WARS1: variants seen among roughly 807,000 people sequenced by gnomAD.
WARS1 encodes the protein tryptophanyl-tRNA synthetase 1.
Under a neutral mutation model 47.8 loss-of-function variants are expected in WARS1, and 17 were observed. The observed-to-expected ratio is 0.36, with a 90% CI of 0.24 to 0.53. The LOEUF is 0.53. Ranked by LOEUF, WARS1 falls within the 20% of genes least tolerant of loss-of-function variation. WARS1 has a pLI of 0.91. For missense variants in WARS1, 434 were observed against 608.0 expected (o/e 0.71, Z 3.01); for synonymous variants, 208 against 228.1 (o/e 0.91, Z 0.79).
intron 2 of WARS1, chr14:100,366,816 T>A: frequency 6.7e-7 from 1 of 1,486,866 alleles, no homozygotes; most frequent in South Asian, 1.1e-5. Flanking sequence ...GTTTCCTTTT[T>A]TGATGTATTG....
rs1893548314 is a variant in WARS1 at position 100,334,109 on chromosome 14, G to A, written c.*766C>T. 1 of 152,670 alleles carries A rather than the reference G, an allele frequency of 6.6e-6. No homozygotes were observed. The highest frequency in any genetic ancestry group is 6.5e-5 in the Admixed American group (1 of 15,280). 9.5% of individuals were successfully genotyped at this position (152,670 alleles called of 1,614,324 possible). On this transcript the variant is annotated 3_prime_UTR_variant, in exon 11 of 11. Coordinates refer to ENST00000392882, the MANE Select transcript of WARS1 (RefSeq NM_004184.4). ...CTCCTTGGCATCGGACACAGTCAGGGGAAAAGCCACCCTGACTCTGCAGGA... is the reference window on the plus strand; with the variant it reads ...CTCCTTGGCATCGGACACAGTCAGGAGAAAAGCCACCCTGACTCTGCAGGA...
In WARS1 at chr14:100,351,355, A is replaced by G. The variant is rs1894965327; in HGVS notation, c.725+2332T>C. On this transcript the variant is annotated intron_variant, in intron 6 of 10. Transcript: ENST00000392882. ...AGAATAAGGAAATAAAGTGCCATGA[A>G]AATTATACTAACACGGCTGGGCATG... Among the ~76,000 whole-genome samples the G allele has an allele frequency of 2.6e-5, 4 of 152,266 alleles. No homozygotes were observed. The South Asian group carries it at 8.3e-4, about 32-fold the overall frequency.
chr14:100,361,805 A>G lies in WARS1; in HGVS notation c.216T>C (p.Asn72=). Residue 72 remains asparagine, a synonymous_variant, in exon 3 of 11, where the codon AAT becomes AAC. Transcript: ENST00000392882. ...CPPGNPAPTS[N]HGPDATEAEE... ...CAGCTTCTGTGGCATCTGGGCCATG[A>G]TTACTGGTAGGTGCTGGGTTCCCTG... The G allele has an allele frequency of 1.2e-6, 2 of 1,614,150 alleles. No homozygotes were observed. Among genetic ancestry groups the G allele is most frequent in the Non-Finnish European group, 1.7e-6 (2 of 1,180,036 alleles).
chr14:100,337,524 C>A (rs1893829135), intron 9 of WARS1, among the ~76,000 whole-genome samples: 1 of 151,994 alleles, frequency 6.6e-6, no homozygotes, highest in Admixed American at 6.6e-5. Flanking sequence ...AAACCTGGGA[C>A]AGACAAGTTC....
chr14:100,369,235 A>G lies in WARS1; in HGVS notation c.-50T>C. On this transcript the variant is annotated 5_prime_UTR_variant, in exon 2 of 11. Coordinates refer to ENST00000392882, the MANE Select transcript of WARS1 (RefSeq NM_004184.4). ...TTCACAGCCGGCCTGAGGTCAGAGGATTTGTTCAGCAGACGAGTCAAGACT... is the reference window on the plus strand; with the variant it reads ...TTCACAGCCGGCCTGAGGTCAGAGGGTTTGTTCAGCAGACGAGTCAAGACT... The G allele has an allele frequency of 3.6e-6, 1 of 277,322 alleles. No individual in the cohort carries two copies. The allele number at this position is 277,322 out of a possible 1,614,324, so 17.2% of individuals were successfully genotyped here. A position where few individuals can be genotyped will look rare whatever the true frequency, so the allele number is the denominator to read the frequency against.
In WARS1 at chr14:100,337,212, A is replaced by G. The variant is rs1480882874; in HGVS notation, c.1114-10T>C. 3.7e-6 allele frequency: 6 copies of G among 1,613,048 alleles called. No homozygotes were observed. The highest frequency in any genetic ancestry group is 3.3e-5 in the Admixed American group (2 of 59,992). On this transcript the variant is annotated splice_polypyrimidine_tract_variant and intron_variant, in intron 9 of 10. Coordinates refer to ENST00000392882, the MANE Select transcript of WARS1 (RefSeq NM_004184.4). ...ACGCATGCTTATTGACCTGCACCAG[A>G]AGAGGACACAGACACGCTCCTCAGT...
chr14:100,354,490 C>G lies in WARS1; in HGVS notation c.499G>C (p.Glu167Gln). 6.2e-7 allele frequency: 1 copy of G among 1,614,176 alleles called. No individual in the cohort carries two copies. The highest frequency in any genetic ancestry group is 8.5e-7 in the Non-Finnish European group (1 of 1,180,028). ...ATGAGGTGACCTACATGCATTGCTT[C>G]AGAAGAGGGGCCCCGGCCCGTGTAC... ...YLYTGRGPSS[E>Q]AMHVGHLIPF... Residue 167 changes from glutamate to glutamine, a missense_variant, in exon 5 of 11, where the codon GAA becomes CAA. Glu to Gln is a conservative substitution (Grantham distance 29). This residue lies in a region of WARS1 where 347 missense variants were observed against 523.8 expected (regional missense o/e 0.66). Transcript: ENST00000392882.
intron 7 of WARS1, among the ~76,000 whole-genome samples, chr14:100,344,424 G>C (rs371573858): frequency 2.0e-5 from 3 of 151,952 alleles, no homozygotes; most frequent in African/African-American, 4.8e-5. Flanking sequence ...GTGTGATCTC[G>C]GCTCGCTACA....
At chr14:100,374,006 G>T (rs1456698826) in intron 1 of WARS1, 4 of 152,086 alleles carry the variant, frequency 2.6e-5, no homozygotes, top group Admixed American at 2.0e-4. Flanking sequence ...TTATTTCTTT[G>T]TTGACTTTCA....
At chr14:100,349,845 A>C (rs1408056677) in intron 6 of WARS1, among the ~76,000 whole-genome samples, 2 of 152,218 alleles carry the variant, frequency 1.3e-5, no homozygotes, top group Admixed American at 6.5e-5. Flanking sequence ...GGCTTTGTTG[A>C]ATTTCCAGCT....
At chr14:100,342,781 T>G (rs1894261084) in intron 8 of WARS1, among the ~76,000 whole-genome samples, 1 of 151,938 alleles carries the variant, frequency 6.6e-6, no homozygotes, top group Admixed American at 6.6e-5. Flanking sequence ...GTTTGTTACA[T>G]AGGTATACAT....
chr14:100,346,174 T>C (rs1894609257), intron 7 of WARS1, among the ~76,000 whole-genome samples: 2 of 136,430 alleles, frequency 1.5e-5, no homozygotes, highest in African/African-American at 5.0e-5. Context: ...TGGAAATTTA[T>C]GGAGAGGGCC....
chr14:100,368,340 A>G (rs1896135152), intron 2 of WARS1: 2 of 434,640 alleles, frequency 4.6e-6, no homozygotes. Flanking sequence ...GTCTATTTCC[A>G]TGGTCATAAT....
chr14:100,367,627 A>T (rs1348740511), intron 2 of WARS1, among the ~76,000 whole-genome samples: 2 of 151,438 alleles, frequency 1.3e-5, no homozygotes, highest in African/African-American at 4.9e-5. Flanking sequence ...AAAAAAAAAA[A>T]AAAAGAAAGG....
chr14:100,350,558 T>C (rs1430139674), intron 6 of WARS1, among the ~76,000 whole-genome samples: 2 of 152,132 alleles, frequency 1.3e-5, no homozygotes, highest in Non-Finnish European at 2.9e-5. Context: ...TCTTTTCACA[T>C]GGACTGTTCA....
At chr14:100,368,453 TG>T (rs1566867066) in intron 2 of WARS1, 6 of 456,006 alleles carry the variant, frequency 1.3e-5, no homozygotes, top group South Asian at 9.3e-5. Context: ...CATTTCCACC[TG>T]AAAGACCCCA....
chr14:100,335,146 T>C, intron 10 of WARS1, 110 bp from the exon 11 acceptor site: 1 of 1,020,592 alleles, frequency 9.8e-7, no homozygotes, highest in Non-Finnish European at 1.4e-6. Context: ...GCCTGGCACG[T>C]GGGTGGCACT....
chr14:100,360,434 A>T (rs1895589293), intron 4 of WARS1, 120 bp downstream of exon 4: 1 of 679,802 alleles, frequency 1.5e-6, no homozygotes, highest in Non-Finnish European at 2.5e-6. Context: ...TCTCAGTCTT[A>T]CCACAGCTGG....
At chr14:100,352,262 C>T (rs569957862) in intron 6 of WARS1, among the ~76,000 whole-genome samples, 4 of 151,620 alleles carry the variant, frequency 2.6e-5, no homozygotes, top group Non-Finnish European at 4.4e-5. Flanking sequence ...CAGGAGCACG[C>T]CACCACACCC....
Sources: gnomAD v4.1 joint callset for allele counts (sites outside exome capture counted in the v4.1 genomes callset) on GRCh38, gnomAD v4.1.1 for gene constraint, gnomAD v4.1.1 regional missense constraint, MANE v1.5 for transcripts, NCBI Gene and HGNC (gene_info 2026-07-23, HGNC 2026-07-21) for gene names.